Variants in SETD9 observed in about 807,000 individuals in gnomAD.
SETD9 encodes SET domain-containing protein 9.
A neutral mutation model predicts 36.4 loss-of-function variants in SETD9; 37 were observed. The observed-to-expected ratio is 1.02, with a 90% CI of 0.78 to 1.34. SETD9 has a LOEUF of 1.34. Among genes scored for constraint, SETD9 ranks in the 40% most tolerant of loss-of-function variants. The pLI, the probability that SETD9 is intolerant of heterozygous loss-of-function variation, is 0.00. For missense variants in SETD9, 323 were observed against 353.2 expected, an observed-to-expected ratio of 0.91 and a Z score of 0.69; for synonymous variants, 128 against 132.9, an observed-to-expected ratio of 0.96 and a Z score of 0.26.
intron 2 of SETD9, 57 bp downstream of exon 2, chr5:56,911,593 A>T (rs528196936): frequency 4.1e-6 from 6 of 1,469,844 alleles, no homozygotes; most frequent in Non-Finnish European, 5.4e-6. Context: ...GATAAACATA[A>T]GTTCAGTAAC....
chr5:56,909,748 G>C lies in SETD9; in HGVS notation c.98+5G>C. 1.9e-6 allele frequency: 3 copies of C among 1,609,380 alleles called. No homozygotes were observed. Among genetic ancestry groups the C allele is most frequent in the Non-Finnish European group, 2.5e-6 (3 of 1,178,014 alleles). ...GAACCTAAGCCACAACCCGAGGTGA[G>C]AGGGCGGGACGGCAGAACGAGGGGC... On this transcript the variant is annotated splice_donor_5th_base_variant and intron_variant, in intron 1 of 5. Coordinates refer to ENST00000285947, the MANE Select transcript of SETD9 (RefSeq NM_153706.4).
At chr5:56,910,594 T>C (rs1248746043) in intron 1 of SETD9, 1 of 327,724 alleles carries the variant, frequency 3.1e-6, no homozygotes, top group African/African-American at 2.2e-5. Flanking sequence ...ACAACCTTTT[T>C]GTTCAAGTAA....
chr5:56,909,617 C>A lies in SETD9; in HGVS notation c.-29C>A, dbSNP rs373300964. 2 of 1,572,680 alleles carry A rather than the reference C, an allele frequency of 1.3e-6. No individual in the cohort carries two copies. Among genetic ancestry groups the A allele is most frequent in the Non-Finnish European group, 1.7e-6 (2 of 1,158,440 alleles). On this transcript the variant is annotated 5_prime_UTR_variant, in exon 1 of 6. Coordinates refer to ENST00000285947, the MANE Select transcript of SETD9 (RefSeq NM_153706.4). ...AGGCCTCGATCCGCCTTCCCCGCGCCGTCCTGGTCACGGCCCCGCGGGGCA... is the reference window on the plus strand; with the variant it reads ...AGGCCTCGATCCGCCTTCCCCGCGCAGTCCTGGTCACGGCCCCGCGGGGCA...
At chr5:56,922,994 T>C in intron 5 of SETD9, 1 of 662,710 alleles carries the variant, frequency 1.5e-6, no homozygotes, top group Non-Finnish European at 2.6e-6. Flanking sequence ...AATCAAGATA[T>C]AGTTCTATAC....
At chr5:56,912,043 T>C (rs559749277) in intron 2 of SETD9, 11 of 224,876 alleles carry the variant, frequency 4.9e-5, no homozygotes. Context: ...TAATCCCAGC[T>C]ATTCAGGAGG....
Position 56,911,461 on chromosome 5 carries a change from T to C in SETD9, c.391T>C (p.Leu131=), listed in dbSNP as rs138634806. The C allele has an allele frequency of 1.2e-6, 2 of 1,609,550 alleles. No homozygotes were observed. Among genetic ancestry groups the C allele is most frequent in the African/African-American group, 2.7e-5 (2 of 74,594 alleles). ...CAGTGTTGCCCAAGCAACTAGCTCA[T>C]TGATTTCTGCTGGAAAAGGTGTCTT... ...GFSVAQATSS[L]ISAGKGVFVT... The change falls in exon 2 of 6, where the codon TTG becomes CTG. Residue 131 remains leucine, a synonymous_variant. Coordinates refer to ENST00000285947, the MANE Select transcript of SETD9 (RefSeq NM_153706.4).
At chr5:56,924,235 C>A (rs1465356404) in intron 5 of SETD9, among the ~76,000 whole-genome samples, 1 of 151,404 alleles carries the variant, frequency 6.6e-6, no homozygotes, top group Non-Finnish European at 1.5e-5. Flanking sequence ...ATAATGAGGC[C>A]ATTTTCGAAA....
At position 56,911,547 on chromosome 5, in the gene SETD9, G is replaced by T; in HGVS notation, c.466+11G>T. ...TATCTATGTATCCTGGTAACAGCAC[G>T]ATTAATATTATACTTTGCCAAGCTT... is the stretch of plus-strand genomic sequence containing the variant. On this transcript the variant is annotated intron_variant, in intron 2 of 5. Coordinates refer to ENST00000285947, the MANE Select transcript of SETD9 (RefSeq NM_153706.4). The T allele has an allele frequency of 6.6e-7, 1 of 1,525,620 alleles. No individual in the cohort carries two copies. Among genetic ancestry groups the T allele is most frequent in the South Asian group, 1.3e-5 (1 of 76,606 alleles). 94.5% of individuals were successfully genotyped at this position (1,525,620 alleles called of 1,614,324 possible).
At position 56,912,911 on chromosome 5, in the gene SETD9, A is replaced by ATATAATC. The variant is rs1749220357; in HGVS notation, c.467-100_467-99insTATAATC. ...GTTCACGCTTTAAGAGGGAGAAAGTAACTAAAGAGAATGTGATTATATTCC... is the reference window on the plus strand; with the variant it reads ...GTTCACGCTTTAAGAGGGAGAAAGTATATAATCACTAAAGAGAATGTGATTATATTCC... On this transcript the variant is annotated intron_variant, in intron 2 of 5. Coordinates refer to ENST00000285947, the MANE Select transcript of SETD9 (RefSeq NM_153706.4). 3.1e-6 allele frequency: 4 copies of ATATAATC among 1,290,456 alleles called. No individual in the cohort carries two copies. In the African/African-American group the frequency reaches 5.9e-5, roughly 19 times the overall value. 79.9% of individuals were successfully genotyped at this position (1,290,456 alleles called of 1,614,324 possible).
At chr5:56,924,865 T>C (rs755426465) in intron 5 of SETD9, among the ~76,000 whole-genome samples, 2 of 152,196 alleles carry the variant, frequency 1.3e-5, no homozygotes, top group Admixed American at 6.6e-5. Flanking sequence ...CCTGAGTAAG[T>C]TGTGATATAA....
downstream of SETD9, among the ~76,000 whole-genome samples, chr5:56,927,319 A>G (rs141413663): frequency 6.6e-5 from 10 of 152,286 alleles, no homozygotes; most frequent in Admixed American, 4.6e-4. Context: ...AATAAAAGAT[A>G]TAATAATAAC....
chr5:56,919,483 T>C (rs1037643537), downstream of SETD9: 4 of 152,208 alleles, frequency 2.6e-5, no homozygotes, highest in Non-Finnish European at 4.4e-5. Context: ...ATCATATATC[T>C]TATTTACTGC....
At chr5:56,915,801 A>G (rs1749395825) in intron 5 of SETD9, among the ~76,000 whole-genome samples, 1 of 151,994 alleles carries the variant, frequency 6.6e-6, no homozygotes, top group African/African-American at 2.4e-5. Flanking sequence ...CCTTCTCTAC[A>G]AAAAATACAA....
upstream of SETD9, chr5:56,909,394 C>G: frequency 2.6e-6 from 1 of 388,832 alleles, no homozygotes; most frequent in Non-Finnish European, 4.6e-6. Context: ...AGCACCCGAG[C>G]GACCGGAGAA....
rs149829260 is a variant in SETD9, at chr5:56,909,666, G to T, written c.21G>T (p.Arg7=). 1.2e-4 allele frequency: 192 copies of T among 1,609,390 alleles called. No homozygotes were observed. The African/African-American group carries it at 2.3e-3, about 19-fold the overall frequency. MPGRLL[R]GLWQRWRRYK... is the part of the protein sequence containing the mutation. Reference sequence around the variant, plus strand: ...CAGCCATGCCTGGCCGTCTGCTGCGGGGCCTGTGGCAGCGATGGCGCCGTT... The same window carrying T: ...CAGCCATGCCTGGCCGTCTGCTGCGTGGCCTGTGGCAGCGATGGCGCCGTT... Residue 7 remains arginine, a synonymous_variant, in exon 1 of 6, where the codon CGG becomes CGT. Transcript: ENST00000285947.
downstream of SETD9, among the ~76,000 whole-genome samples, chr5:56,918,202 T>G (rs981730029): frequency 1.3e-5 from 2 of 152,090 alleles, no homozygotes; most frequent in African/African-American, 4.8e-5. Flanking sequence ...GCTCACTCCA[T>G]CCCAACCCAC....
chr5:56,923,510 C>T, intron 5 of SETD9: 2 of 1,614,140 alleles, frequency 1.2e-6, no homozygotes, highest in Non-Finnish European at 1.7e-6. Context: ...GGGTGTGTTG[C>T]CCAGTGGAGG....
At position 56,909,853 on chromosome 5, in the gene SETD9, G is replaced by A. The variant is rs1749009783; in HGVS notation, c.98+110G>A. On this transcript the variant is annotated intron_variant, in intron 1 of 5. Transcript: ENST00000285947. ...CTGAGGCTGACTGCCGGCCTGAGAT[G>A]GGCGGGCCCGGGTGGGCAGGGACTG... 2.6e-5 allele frequency: 26 copies of A among 986,112 alleles called. 1 individual carries two copies. The South Asian group carries it at 4.1e-4, about 16-fold the overall frequency. 61.1% of individuals were successfully genotyped at this position (986,112 alleles called of 1,614,324 possible).
chr5:56,917,696 T>G (rs1303903081), downstream of SETD9, among the ~76,000 whole-genome samples: 1 of 152,260 alleles, frequency 6.6e-6, no homozygotes, highest in East Asian at 1.9e-4. Flanking sequence ...CTGGCAGTTC[T>G]CTGCCTTGTG....
Sources: allele counts gnomAD v4.1 joint callset (sites outside exome capture counted in the v4.1 genomes callset), GRCh38; gene constraint gnomAD v4.1.1; transcripts MANE v1.5; gene names NCBI Gene and HGNC (gene_info 2026-07-23, HGNC 2026-07-21).